Variants in NTNG1 observed in about 807,000 individuals in gnomAD.
The protein encoded by NTNG1 is netrin G1, also known as netrin-G1.
Under a neutral mutation model 54.0 loss-of-function variants are expected in NTNG1, and 16 were observed. The observed-to-expected ratio is 0.30, with a 90% CI of 0.20 to 0.45. NTNG1 has a LOEUF of 0.45. NTNG1 is among the 20% of genes least tolerant of loss of function. The probability of loss-of-function intolerance (pLI) is 1.00; values close to 1 mark genes in which losing one functional copy is unlikely to be tolerated. For missense variants in NTNG1, 530 were observed against 678.7 expected (o/e 0.78, Z 2.43); for synonymous variants, 255 against 263.1 (o/e 0.97, Z 0.30).
intron 5 of NTNG1, among the ~76,000 whole-genome samples, chr1:107,428,668 A>T (rs182293795): frequency 3.3e-5 from 5 of 152,056 alleles, no homozygotes; most frequent in Non-Finnish European, 7.4e-5. Flanking sequence ...AGGTTTGAGA[A>T]TTGGGTTTCC....
At position 107,178,294 on chromosome 1, in the gene NTNG1, C is replaced by A. The variant is rs756270806; in HGVS notation, c.246+29455C>A. 7.9e-4 allele frequency among the ~76,000 whole-genome samples: 120 copies of A among 152,200 alleles called. 2 individuals are homozygous for A. The highest frequency in any genetic ancestry group is 1.3e-3 in the Non-Finnish European group (90 of 67,998). ...GATTAGTATCAGTGTCAGATAAATT[C>A]TTTTTTTCTTCAATTCTTATCAGCT... is the stretch of plus-strand genomic sequence containing the variant. On this transcript the variant is annotated intron_variant, in intron 2 of 7. Coordinates refer to ENST00000370068, the MANE Select transcript of NTNG1 (RefSeq NM_001113226.3).
At chr1:107,469,517 C>CT (rs1209728409) in intron 7 of NTNG1, among the ~76,000 whole-genome samples, 1 of 152,162 alleles carries the variant, frequency 6.6e-6, no homozygotes, top group Non-Finnish European at 1.5e-5. Context: ...GAGTCTCTCT[C>CT]TGTCTCCCAG....
At chr1:107,191,718 G>C (rs1227727885) in intron 2 of NTNG1, among the ~76,000 whole-genome samples, 9 of 151,066 alleles carry the variant, frequency 6.0e-5, no homozygotes, top group Admixed American at 5.2e-4. Flanking sequence ...TCTCAGGTTT[G>C]TCAAAGATCA....
chr1:107,265,418 T>G (rs1014041171), intron 2 of NTNG1, among the ~76,000 whole-genome samples: 1 of 151,914 alleles, frequency 6.6e-6, no homozygotes, highest in Admixed American at 6.6e-5. Flanking sequence ...AAAATGAGAG[T>G]CTGGAGGTAA....
At chr1:107,167,090 A>C (rs1003689119) in intron 2 of NTNG1, among the ~76,000 whole-genome samples, 1 of 152,070 alleles carries the variant, frequency 6.6e-6, no homozygotes, top group African/African-American at 2.4e-5. Context: ...ATTCATGACT[A>C]TATGACAGTT....
intron 5 of NTNG1, among the ~76,000 whole-genome samples, chr1:107,428,586 C>A (rs1490960385): frequency 6.6e-6 from 1 of 152,028 alleles, no homozygotes; most frequent in African/African-American, 2.4e-5. Context: ...AGGAGGCGAC[C>A]CAGGGGCAGG....
chr1:107,343,707 TG>T (rs764472712), intron 3 of NTNG1, among the ~76,000 whole-genome samples: 27 of 152,240 alleles, frequency 1.8e-4, no homozygotes, highest in Admixed American at 7.9e-4. Context: ...TTTGTGGAGA[TG>T]GGCAGCCCTG....
chr1:107,240,105 A>G (rs186442358), intron 2 of NTNG1, among the ~76,000 whole-genome samples: 1 of 152,194 alleles, frequency 6.6e-6, no homozygotes, highest in African/African-American at 2.4e-5. Flanking sequence ...GTATGATGAT[A>G]CAATAGAGAA....
At chr1:107,458,991 A>G (rs1226526918) in intron 7 of NTNG1, among the ~76,000 whole-genome samples, 1 of 152,168 alleles carries the variant, frequency 6.6e-6, no homozygotes, top group African/African-American at 2.4e-5. Flanking sequence ...AACTTTCTAA[A>G]TGCTGTTTTA....
chr1:107,229,081 C>T (rs1241163974), intron 2 of NTNG1, among the ~76,000 whole-genome samples: 3 of 152,154 alleles, frequency 2.0e-5, no homozygotes, highest in African/African-American at 7.2e-5. Context: ...TGTGTAGCTG[C>T]ATGCGTAACC....
intron 2 of NTNG1, among the ~76,000 whole-genome samples, chr1:107,223,586 A>G (rs1660490336): frequency 6.6e-6 from 1 of 152,174 alleles, no homozygotes; most frequent in African/African-American, 2.4e-5. Flanking sequence ...TGTTATAGCT[A>G]AGTAGTTATA....
intron 2 of NTNG1, among the ~76,000 whole-genome samples, chr1:107,242,915 G>C (rs1022060163): frequency 1.3e-5 from 2 of 152,212 alleles, no homozygotes; most frequent in South Asian, 4.1e-4. Context: ...CCTTATTTGA[G>C]AAGAAATAAT....
chr1:107,428,856 A>G (rs1675069718), intron 5 of NTNG1, among the ~76,000 whole-genome samples: 1 of 152,114 alleles, frequency 6.6e-6, no homozygotes, highest in Non-Finnish European at 1.5e-5. Context: ...TTGTTGTTTT[A>G]CAAGAGATTT....
chr1:107,309,227 G>T (rs1003405939), intron 2 of NTNG1, among the ~76,000 whole-genome samples: 2 of 152,120 alleles, frequency 1.3e-5, no homozygotes, highest in African/African-American at 2.4e-5. Context: ...TGGAAATAGA[G>T]TCACCAACTC....
chr1:107,219,200 C>T (rs921024095), intron 2 of NTNG1, among the ~76,000 whole-genome samples: 5 of 147,504 alleles, frequency 3.4e-5, no homozygotes, highest in Non-Finnish European at 7.5e-5. Context: ...TTGTTCAATT[C>T]TATTGCTGAG....
At chr1:107,454,539 T>G (rs892245215) in intron 7 of NTNG1, among the ~76,000 whole-genome samples, 11 of 151,662 alleles carry the variant, frequency 7.3e-5, no homozygotes, top group African/African-American at 2.4e-4. Context: ...ATCCTGTGTC[T>G]TTTTACCAAA....
intron 3 of NTNG1, among the ~76,000 whole-genome samples, chr1:107,328,674 A>C (rs1668100666): frequency 6.6e-6 from 1 of 152,140 alleles, no homozygotes; most frequent in East Asian, 1.9e-4. Context: ...GCTTTCCACA[A>C]TTAAAATAAT....
intron 4 of NTNG1, among the ~76,000 whole-genome samples, chr1:107,405,909 C>T (rs1673386984): frequency 6.6e-6 from 1 of 152,152 alleles, no homozygotes; most frequent in South Asian, 2.1e-4. Flanking sequence ...TGTCACACTG[C>T]AGCAGAGGTA....
At chr1:107,242,478 A>G (rs1661908093) in intron 2 of NTNG1, among the ~76,000 whole-genome samples, 1 of 152,202 alleles carries the variant, frequency 6.6e-6, no homozygotes, top group Non-Finnish European at 1.5e-5. Context: ...ACATAGTTGT[A>G]TTAAATAGTA....
Sources: gnomAD v4.1 joint callset for allele counts (sites outside exome capture counted in the v4.1 genomes callset) on GRCh38, gnomAD v4.1.1 for gene constraint, MANE v1.5 for transcripts, NCBI Gene and HGNC (gene_info 2026-07-23, HGNC 2026-07-21) for gene names.